ABCB4: variants seen among roughly 807,000 people sequenced by gnomAD.
ABCB4 encodes the protein ATP binding cassette subfamily B member 4, also known as phosphatidylcholine translocator ABCB4.
In ABCB4, 76 loss-of-function variants were observed where a neutral mutation model predicts 145.7. That is an observed-to-expected ratio of 0.52 (90% CI 0.43 to 0.63). ABCB4 has a LOEUF of 0.63. Ranked by LOEUF, ABCB4 falls within the 30% of genes least tolerant of loss-of-function variation. The pLI is 0.00. For missense variants in ABCB4, 1,234 were observed against 1,553.1 expected (o/e 0.79, Z 3.45); for synonymous variants, 517 against 566.8 (o/e 0.91, Z 1.25).
At chr7:87,467,049 A>G (rs1198763631) in intron 3 of ABCB4, among the ~76,000 whole-genome samples, 1 of 152,218 alleles carries the variant, frequency 6.6e-6, no homozygotes, top group Non-Finnish European at 1.5e-5. Context: ...ACACATAACT[A>G]TATTAACCTT....
intron 3 of ABCB4, among the ~76,000 whole-genome samples, chr7:87,465,950 AAAACAG>A (rs1018912494): frequency 6.6e-6 from 1 of 152,232 alleles, no homozygotes; most frequent in Non-Finnish European, 1.5e-5. Flanking sequence ...AGATGGGGAA[AAAACAG>A]AACAGAAAAA....
rs769750557 is a variant in ABCB4, at chr7:87,452,975, C to T, written c.505G>A (p.Asp169Asn). Residue 169 changes from aspartate (D) to asparagine (N), a missense_variant, in exon 6 of 28, where the codon GAC becomes AAC. By Grantham distance (23) the Asp-to-Asn change is conservative. This residue lies in a region of ABCB4 where 467 missense variants were observed against 632.8 expected (regional missense o/e 0.74). Coordinates refer to ENST00000649586, the MANE Select transcript of ABCB4 (RefSeq NM_000443.4). ...RQEIGWFDINDTTELNTRLTD... is the reference protein window; with the variant it reads ...RQEIGWFDINNTTELNTRLTD... ...AGCCGCGTATTGAGTTCAGTGGTGT[C>T]GTTGATGTCAAACCATCCTATTTCC... is the stretch of plus-strand genomic sequence containing the variant. The T allele has an allele frequency of 1.1e-5, 18 of 1,614,048 alleles. No homozygotes were observed. The highest frequency in any genetic ancestry group is 3.3e-4 in the Middle Eastern group (2 of 6,062).
chr7:87,424,156 T>G, intron 16 of ABCB4, 104 bp from the exon 17 acceptor site: 1 of 1,404,318 alleles, frequency 7.1e-7, no homozygotes, highest in Non-Finnish European at 1.0e-6. Flanking sequence ...ACTCGCAAAC[T>G]AGGTGCAGAG....
chr7:87,369,474 G>C, the ABCB4 span: 1 of 1,610,378 alleles, frequency 6.2e-7, no homozygotes, highest in Non-Finnish European at 8.5e-7. Context: ...CACCCCGCCA[G>C]AGCTTCTCAG....
At chr7:87,469,257 A>G (rs1272414571) in intron 3 of ABCB4, among the ~76,000 whole-genome samples, 1 of 152,250 alleles carries the variant, frequency 6.6e-6, no homozygotes, top group Non-Finnish European at 1.5e-5. Context: ...ACAAACCCAT[A>G]GCCAATATCA....
chr7:87,470,360 T>C (rs1813275744), intron 3 of ABCB4, among the ~76,000 whole-genome samples: 1 of 152,074 alleles, frequency 6.6e-6, no homozygotes, highest in African/African-American at 2.4e-5. Flanking sequence ...AAAGCCAAAA[T>C]TGACAAAAAT....
At chr7:87,466,854 G>A (rs1262622226) in intron 3 of ABCB4, among the ~76,000 whole-genome samples, 1 of 151,908 alleles carries the variant, frequency 6.6e-6, no homozygotes, top group Non-Finnish European at 1.5e-5. Context: ...AATGCTGAGA[G>A]ATTTTGTTAC....
intron 20 of ABCB4, 120 bp from the exon 21 acceptor site, chr7:87,417,635 T>A: frequency 1.3e-6 from 1 of 798,846 alleles, no homozygotes; most frequent in Non-Finnish European, 2.2e-6. Flanking sequence ...TGGCTTACTT[T>A]CATTACAATA....
rs545837197 is a variant in ABCB4 at position 87,461,693 on chromosome 7, C to G, written c.286+1065G>C. ...ATAAATAAACTTTTATAGGAGTTTG[C>G]TTTAAATATTCAAAGGATGCTTTTA... On this transcript the variant is annotated intron_variant, in intron 4 of 27. Coordinates refer to ENST00000649586, the MANE Select transcript of ABCB4 (RefSeq NM_000443.4). Among the ~76,000 whole-genome samples the G allele has an allele frequency of 3.3e-5, 5 of 151,986 alleles. No individual in the cohort carries two copies. In the South Asian group the frequency reaches 6.2e-4, roughly 19 times the overall value.
intron 7 of ABCB4, among the ~76,000 whole-genome samples, chr7:87,450,610 A>G (rs1811654228): frequency 6.6e-6 from 1 of 151,920 alleles, no homozygotes; most frequent in Non-Finnish European, 1.5e-5. Context: ...AGCTGGGACT[A>G]CAAGTGCACA....
At chr7:87,389,612 G>A in the ABCB4 span, among the ~76,000 whole-genome samples, 1 of 152,034 alleles carries the variant, frequency 6.6e-6, no homozygotes, top group Non-Finnish European at 1.5e-5. Flanking sequence ...TCACACACCG[G>A]GGGCTGTCAT....
the ABCB4 span, among the ~76,000 whole-genome samples, chr7:87,367,671 T>C: frequency 6.6e-6 from 1 of 152,204 alleles, no homozygotes; most frequent in East Asian, 1.9e-4. Context: ...CTGTGCTGAG[T>C]CCCGCTTCCT....
rs146340845 is a variant in ABCB4, at chr7:87,467,324, C to T, written c.136-4416G>A. ...AAGAAGGCCATTACATAATGGTAAACGGATCAATTCAACAAGAAGAACTAA... is the reference window on the plus strand; with the variant it reads ...AAGAAGGCCATTACATAATGGTAAATGGATCAATTCAACAAGAAGAACTAA... On this transcript the variant is annotated intron_variant, in intron 3 of 27. Transcript: ENST00000649586. 6.9e-3 allele frequency among the ~76,000 whole-genome samples: 1,052 copies of T among 152,164 alleles called. 14 individuals carry two copies. Among genetic ancestry groups the T allele is most frequent in the African/African-American group, 0.023 (950 of 41,508 alleles).
chr7:87,469,719 G>A (rs927393584), intron 3 of ABCB4, among the ~76,000 whole-genome samples: 1 of 152,004 alleles, frequency 6.6e-6, no homozygotes, highest in Admixed American at 6.5e-5. Context: ...AAATAAAAGA[G>A]GACACAAACA....
At chr7:87,442,457 A>G (rs1428048968) in intron 12 of ABCB4, among the ~76,000 whole-genome samples, 1 of 152,150 alleles carries the variant, frequency 6.6e-6, no homozygotes, top group African/African-American at 2.4e-5. Context: ...TTTTAATATC[A>G]GATAAACTCA....
chr7:87,389,258 C>T, the ABCB4 span, among the ~76,000 whole-genome samples: 29 of 152,206 alleles, frequency 1.9e-4, no homozygotes, highest in Admixed American at 4.6e-4. Flanking sequence ...TTTGATCCAG[C>T]GATCCCATTG....
chr7:87,414,045 C>G (rs1808806005), intron 21 of ABCB4, among the ~76,000 whole-genome samples: 1 of 152,146 alleles, frequency 6.6e-6, no homozygotes, highest in Admixed American at 6.5e-5. Context: ...TAGTCACAAC[C>G]CCTTTGTGGC....
chr7:87,369,595 T>G, the ABCB4 span: 1 of 488,284 alleles, frequency 2.0e-6, no homozygotes, highest in Non-Finnish European at 3.5e-6. Flanking sequence ...AAATAAGAAT[T>G]TTATGCATGC....
At chr7:87,388,990 G>A in the ABCB4 span, among the ~76,000 whole-genome samples, 2 of 152,148 alleles carry the variant, frequency 1.3e-5, no homozygotes, top group African/African-American at 2.4e-5. Context: ...CTCAAAAGAA[G>A]ACATTTATGT....
Sources: gnomAD v4.1 joint callset for allele counts (sites outside exome capture counted in the v4.1 genomes callset) on GRCh38, gnomAD v4.1.1 for gene constraint, gnomAD v4.1.1 regional missense constraint, MANE v1.5 for transcripts, NCBI Gene and HGNC (gene_info 2026-07-23, HGNC 2026-07-21) for gene names.